Variants in SLC8A1 observed in about 807,000 individuals in gnomAD.
The protein encoded by SLC8A1 is solute carrier family 8 member A1.
Under a neutral mutation model 68.3 loss-of-function variants are expected in SLC8A1, and 18 were observed. The ratio of observed to expected loss-of-function variants is 0.26; its 90% CI spans 0.18 to 0.39. SLC8A1 has a LOEUF of 0.39. Ranked by LOEUF, SLC8A1 falls within the 10% of genes least tolerant of loss-of-function variation. The pLI, the probability that SLC8A1 is intolerant of heterozygous loss-of-function variation, is 1.00. For missense variants in SLC8A1, 985 were observed against 1,156.7 expected (o/e 0.85, Z 2.15); for synonymous variants, 475 against 415.5 (o/e 1.14, Z -1.74).
At chr2:40,236,022 A>G (rs1385895115) in intron 2 of SLC8A1, among the ~76,000 whole-genome samples, 1 of 151,924 alleles carries the variant, frequency 6.6e-6, no homozygotes, top group Admixed American at 6.6e-5. Flanking sequence ...ACTTCCAAGT[A>G]TGTGGTCAAT....
chr2:40,397,816 C>A (rs1026570418), intron 2 of SLC8A1, among the ~76,000 whole-genome samples: 1 of 152,188 alleles, frequency 6.6e-6, no homozygotes, highest in African/African-American at 2.4e-5. Context: ...AGCATTTGCA[C>A]AGACTTCTAC....
chr2:40,458,414 T>C (rs1204617188), intron 1 of SLC8A1, among the ~76,000 whole-genome samples: 1 of 152,072 alleles, frequency 6.6e-6, no homozygotes, highest in African/African-American at 2.4e-5. Context: ...TTTTGGTGCA[T>C]GGGACATGAA....
chr2:40,221,963 C>T (rs1248948526), intron 2 of SLC8A1, among the ~76,000 whole-genome samples: 1 of 152,082 alleles, frequency 6.6e-6, no homozygotes, highest in Non-Finnish European at 1.5e-5. Flanking sequence ...TTTATAGATT[C>T]AATGCTATCC....
At chr2:40,407,940 A>T (rs889439153) in intron 2 of SLC8A1, among the ~76,000 whole-genome samples, 2 of 152,160 alleles carry the variant, frequency 1.3e-5, no homozygotes, top group East Asian at 3.9e-4. Context: ...TGTAACTACT[A>T]ACCAGTTTGC....
At chr2:40,306,454 G>C (rs1054735392) in intron 2 of SLC8A1, among the ~76,000 whole-genome samples, 3 of 143,366 alleles carry the variant, frequency 2.1e-5, no homozygotes, top group South Asian at 4.3e-4. Context: ...AATGGTTGTG[G>C]GGGGGGGCAT....
At chr2:40,199,941 C>G (rs1487153054) in intron 2 of SLC8A1, among the ~76,000 whole-genome samples, 5 of 150,704 alleles carry the variant, frequency 3.3e-5, no homozygotes, top group Non-Finnish European at 5.9e-5. Flanking sequence ...AGATGTTATT[C>G]CAATGTTAAA....
At chr2:40,173,512 G>A (rs1036499768) in intron 4 of SLC8A1, among the ~76,000 whole-genome samples, 1 of 152,154 alleles carries the variant, frequency 6.6e-6, no homozygotes, top group African/African-American at 2.4e-5. Context: ...AAGCAGTGGA[G>A]AGCAACAGCC....
intron 2 of SLC8A1, among the ~76,000 whole-genome samples, chr2:40,243,480 C>CA (rs1191245355): frequency 6.6e-6 from 1 of 151,850 alleles, no homozygotes; most frequent in South Asian, 2.1e-4. Context: ...GAGACCCTGT[C>CA]TCAAAAAAGA....
chr2:40,219,748 T>C (rs1215395382), intron 2 of SLC8A1, among the ~76,000 whole-genome samples: 2 of 152,150 alleles, frequency 1.3e-5, no homozygotes, highest in African/African-American at 4.8e-5. Context: ...GTTTGAGAAA[T>C]AGAAAAGAAT....
At chr2:40,402,760 C>T (rs1183939322) in intron 2 of SLC8A1, among the ~76,000 whole-genome samples, 3 of 152,196 alleles carry the variant, frequency 2.0e-5, no homozygotes, top group Non-Finnish European at 2.9e-5. Context: ...TTTTCCATCA[C>T]AGGAAAGTAA....
chr2:40,358,174 T>C (rs1251678274), intron 2 of SLC8A1, among the ~76,000 whole-genome samples: 8 of 151,952 alleles, frequency 5.3e-5, no homozygotes, highest in Admixed American at 5.2e-4. Context: ...CACCCATTCA[T>C]TCATTATTCA....
chr2:40,416,511 G>A (rs1283335349), intron 2 of SLC8A1, among the ~76,000 whole-genome samples: 1 of 152,140 alleles, frequency 6.6e-6, no homozygotes. Context: ...CTTATTCAGT[G>A]TTATGTCATT....
chr2:40,488,347 A>G (rs1441070584), intron 1 of SLC8A1, among the ~76,000 whole-genome samples: 1 of 151,964 alleles, frequency 6.6e-6, no homozygotes, highest in Non-Finnish European at 1.5e-5. Context: ...TTACCGTGCC[A>G]TAGAATTTGG....
At chr2:40,176,369 C>T (rs1463399267) in intron 3 of SLC8A1, among the ~76,000 whole-genome samples, 1 of 152,170 alleles carries the variant, frequency 6.6e-6, no homozygotes, top group East Asian at 1.9e-4. Context: ...ATCCAAGATG[C>T]TCCTCCTTGA....
At chr2:40,390,304 A>G (rs1295328155) in intron 2 of SLC8A1, among the ~76,000 whole-genome samples, 1 of 151,936 alleles carries the variant, frequency 6.6e-6, no homozygotes, top group Non-Finnish European at 1.5e-5. Context: ...ATAATTATTT[A>G]CCACTTTTTT....
intron 1 of SLC8A1, among the ~76,000 whole-genome samples, chr2:40,441,947 T>C (rs748416904): frequency 1.0e-4 from 15 of 150,140 alleles, no homozygotes; most frequent in African/African-American, 3.4e-4. Context: ...AGCTTCTGCA[T>C]AGCAAAAGAA....
intron 2 of SLC8A1, among the ~76,000 whole-genome samples, chr2:40,231,404 A>G (rs1286320529): frequency 6.6e-6 from 1 of 152,138 alleles, no homozygotes; most frequent in Non-Finnish European, 1.5e-5. Flanking sequence ...AGGATTTCAA[A>G]TCTTCCCATT....
intron 4 of SLC8A1, among the ~76,000 whole-genome samples, chr2:40,168,499 T>C (rs2046928989): frequency 6.6e-6 from 1 of 152,224 alleles, no homozygotes; most frequent in Admixed American, 6.5e-5. Context: ...ATAGATTCTA[T>C]TATTGCTCTA....
At chr2:40,275,210 G>A (rs2066541582) in intron 2 of SLC8A1, among the ~76,000 whole-genome samples, 2 of 152,170 alleles carry the variant, frequency 1.3e-5, no homozygotes, top group Non-Finnish European at 2.9e-5. Flanking sequence ...AGATGACTGA[G>A]TAATCTGTAT....
Sources: gnomAD v4.1 joint callset for allele counts (sites outside exome capture counted in the v4.1 genomes callset) on GRCh38, gnomAD v4.1.1 for gene constraint, MANE v1.5 for transcripts, NCBI Gene and HGNC (gene_info 2026-07-23, HGNC 2026-07-21) for gene names.